The following SOX6 variants were observed in gnomAD, a reference collection of about 807,000 sequenced individuals.
SOX6 encodes SRY-box transcription factor 6.
Under a neutral mutation model 97.8 loss-of-function variants are expected in SOX6, and 11 were observed. That is an observed-to-expected ratio of 0.11 (90% confidence interval 0.07 to 0.19). The LOEUF is 0.19. Ranked by LOEUF, SOX6 falls within the 10% of genes least tolerant of loss-of-function variation. The pLI is 1.00. For missense variants in SOX6, 810 were observed against 1,039.5 expected, an observed-to-expected ratio of 0.78 and a Z score of 3.04; for synonymous variants, 360 against 371.4, an observed-to-expected ratio of 0.97 and a Z score of 0.35.
chr11:16,080,571 T>C (rs938874702), intron 9 of SOX6, among the ~76,000 whole-genome samples: 6 of 152,202 alleles, frequency 3.9e-5, no homozygotes, highest in Non-Finnish European at 5.9e-5. Context: ...TTAACAGAAA[T>C]CACTCTAAAG....
At chr11:16,493,034 A>T (rs1030776969) in intron 4 of SOX6, among the ~76,000 whole-genome samples, 2 of 152,192 alleles carry the variant, frequency 1.3e-5, no homozygotes, top group Non-Finnish European at 2.9e-5. Context: ...AATTAGAAGA[A>T]TTTGTGTAAC....
intron 4 of SOX6, among the ~76,000 whole-genome samples, chr11:16,220,563 A>T (rs1483688059): frequency 1.3e-5 from 2 of 152,092 alleles, no homozygotes; most frequent in Non-Finnish European, 2.9e-5. Context: ...TTGCAATATT[A>T]TACATGTTTA....
intron 15 of SOX6, among the ~76,000 whole-genome samples, chr11:15,974,201 C>T (rs1195506632): frequency 6.6e-6 from 1 of 152,052 alleles, no homozygotes; most frequent in Non-Finnish European, 1.5e-5. Flanking sequence ...GAAGGTCCTT[C>T]CACTTTTTGT....
chr11:16,236,394 T>C (rs1026026538), intron 3 of SOX6, among the ~76,000 whole-genome samples: 4 of 152,070 alleles, frequency 2.6e-5, no homozygotes, highest in Admixed American at 6.6e-5. Context: ...AATCCATGCC[T>C]GTCACAGATT....
intron 1 of SOX6, among the ~76,000 whole-genome samples, chr11:16,421,676 A>G (rs1859024363): frequency 6.6e-6 from 1 of 152,224 alleles, no homozygotes; most frequent in South Asian, 2.1e-4. Flanking sequence ...TTTTGACTTC[A>G]ATTAGGAACT....
chr11:16,455,017 G>A (rs1323574576), intron 1 of SOX6, among the ~76,000 whole-genome samples: 1 of 151,966 alleles, frequency 6.6e-6, no homozygotes, highest in Non-Finnish European at 1.5e-5. Flanking sequence ...AAAAGGAGAT[G>A]CTTCATGACA....
intron 3 of SOX6, among the ~76,000 whole-genome samples, chr11:16,288,370 A>G (rs1854812668): frequency 6.6e-6 from 1 of 152,018 alleles, no homozygotes; most frequent in African/African-American, 2.4e-5. Context: ...TATATGCTTT[A>G]TAGTCTCATT....
At chr11:16,491,196 T>C (rs1160391331) in intron 4 of SOX6, among the ~76,000 whole-genome samples, 3 of 152,310 alleles carry the variant, frequency 2.0e-5, no homozygotes, top group African/African-American at 7.2e-5. Context: ...TTTTGTTTTA[T>C]GCAAGAGCAT....
At chr11:16,164,679 C>T (rs550306546) in intron 6 of SOX6, among the ~76,000 whole-genome samples, 84 of 151,962 alleles carry the variant, frequency 5.5e-4, no homozygotes, top group Admixed American at 8.5e-4. Context: ...AGAAATTAGC[C>T]AGGGGTAGTG....
rs189148663 is a variant in SOX6 at position 16,666,362 on chromosome 11, A to G, written n.429+48468T>C. 1.3e-4 allele frequency among the ~76,000 whole-genome samples: 20 copies of G among 152,360 alleles called. No homozygotes were observed. In the East Asian group the frequency reaches 2.7e-3, roughly 21 times the overall value. On this transcript the variant is annotated intron_variant and non_coding_transcript_variant, in intron 3 of 5. Coordinates refer to the SOX6 transcript ENST00000524520. ...TTCAGAATCCTATCAGATGAATTTA[A>G]CAAAAGATTGAAATAATTTAAAAGA...
chr11:16,429,696 G>T (rs981814039), intron 1 of SOX6, among the ~76,000 whole-genome samples: 10 of 152,220 alleles, frequency 6.6e-5, no homozygotes, highest in Middle Eastern at 3.4e-3. Flanking sequence ...GGTAGAAGAA[G>T]GGAGAGGATC....
intron 3 of SOX6, among the ~76,000 whole-genome samples, chr11:16,668,675 T>C (rs1398843089): frequency 6.6e-6 from 1 of 152,080 alleles, no homozygotes; most frequent in East Asian, 1.9e-4. Context: ...ACTTTACCTA[T>C]AAAAACACAC....
chr11:16,279,049 T>C (rs1854480053), intron 3 of SOX6, among the ~76,000 whole-genome samples: 1 of 152,114 alleles, frequency 6.6e-6, no homozygotes, highest in Non-Finnish European at 1.5e-5. Context: ...TTAGAATTTC[T>C]GTCTACAACG....
intron 4 of SOX6, among the ~76,000 whole-genome samples, chr11:16,611,898 A>C (rs1462529222): frequency 6.6e-6 from 1 of 152,242 alleles, no homozygotes. Flanking sequence ...AAAGTGGTAA[A>C]AATGCATGAA....
At chr11:16,273,335 AAAGAAAAATAAG>A (rs1361067037) in intron 3 of SOX6, among the ~76,000 whole-genome samples, 3 of 152,112 alleles carry the variant, frequency 2.0e-5, no homozygotes, top group South Asian at 4.1e-4. Flanking sequence ...CTGTAGTAGA[AAAGAAAAATAAG>A]AAGAAAAATA....
At chr11:16,486,821 C>T (rs1860443639) in intron 4 of SOX6, among the ~76,000 whole-genome samples, 1 of 152,038 alleles carries the variant, frequency 6.6e-6, no homozygotes, top group Non-Finnish European at 1.5e-5. Context: ...GCACTCTGGC[C>T]TGGGTGACAG....
chr11:16,129,069 T>C (rs992865678), intron 6 of SOX6, among the ~76,000 whole-genome samples: 6 of 150,516 alleles, frequency 4.0e-5, no homozygotes, highest in African/African-American at 9.8e-5. Context: ...GGTTTCTCCA[T>C]GTTGGTCAGG....
chr11:16,718,889 T>C (rs1848238134), intron 2 of SOX6, among the ~76,000 whole-genome samples: 1 of 151,408 alleles, frequency 6.6e-6, no homozygotes, highest in Non-Finnish European at 1.5e-5. Flanking sequence ...CCCAGCACTT[T>C]GGGAAGTTAA....
At chr11:16,080,457 G>A (rs953958981) in intron 9 of SOX6, among the ~76,000 whole-genome samples, 4 of 151,996 alleles carry the variant, frequency 2.6e-5, no homozygotes. Flanking sequence ...AAAGATTTTT[G>A]TATGGAGTAA....
Sources: allele counts gnomAD v4.1 joint callset (sites outside exome capture counted in the v4.1 genomes callset), GRCh38; gene constraint gnomAD v4.1.1; transcripts MANE v1.5; gene names NCBI Gene and HGNC (gene_info 2026-07-23, HGNC 2026-07-21).